Variants in CSRNP3 observed in about 807,000 individuals in gnomAD.
The protein encoded by CSRNP3 is cysteine/serine-rich nuclear protein 3.
Under a neutral mutation model 48.0 loss-of-function variants are expected in CSRNP3, and 12 were observed. The observed-to-expected ratio is 0.25, with a 90% confidence interval of 0.16 to 0.41. CSRNP3 has a LOEUF of 0.41. CSRNP3 is among the 10% of genes least tolerant of loss of function. The pLI is 1.00. For synonymous variants in CSRNP3, 263 were observed against 269.7 expected, an observed-to-expected ratio of 0.98 and a Z score of 0.24; for missense variants, 580 against 724.4, an observed-to-expected ratio of 0.80 and a Z score of 2.29.
rs187161453 is a variant in CSRNP3, at chr2:165,658,227, A to G, written c.408+207A>G. Among the ~76,000 whole-genome samples the G allele has an allele frequency of 2.0e-5, 3 of 152,144 alleles. No homozygotes were observed. In the East Asian group the frequency reaches 5.8e-4, roughly 29 times the overall value. ...CTGACATCATTTATTCATTCATTCC[A>G]CCAATATTTACTATTGAATATTGTG... On this transcript the variant is annotated intron_variant, in intron 5 of 6. Transcript: ENST00000651982.
chr2:165,631,389 G>A (rs1253598228), intron 4 of CSRNP3, among the ~76,000 whole-genome samples: 1 of 152,166 alleles, frequency 6.6e-6, no homozygotes, highest in African/African-American at 2.4e-5. Context: ...TCACTCTAGG[G>A]AGCTGTTTAC....
intron 3 of CSRNP3, among the ~76,000 whole-genome samples, chr2:165,571,283 AT>A (rs1002695541): frequency 6.6e-5 from 10 of 151,860 alleles, no homozygotes; most frequent in African/African-American, 1.9e-4. Context: ...TTGTCATAAG[AT>A]TTTCACTGAG....
At position 165,681,726 on chromosome 2, in the gene CSRNP3, C is replaced by CATATATATATATATATAT. The variant is rs1159941595; in HGVS notation, c.*1991_*2008dup. 1.6e-4 allele frequency: 15 copies of CATATATATATATATATAT among 93,688 alleles called. No homozygotes were observed. Among genetic ancestry groups the CATATATATATATATATAT allele is most frequent in the Admixed American group, 2.4e-4 (2 of 8,164 alleles). 5.8% of individuals were successfully genotyped at this position (93,688 alleles called of 1,614,324 possible). ...AGGATTTGTTGAAATCTCAAATATA[C>CATATATATATATATATAT]ATATATATATATATATATATATATA... On this transcript the variant is annotated 3_prime_UTR_variant, in exon 7 of 7. Transcript: ENST00000651982.
chr2:165,490,262 A>G (rs1684184978), intron 1 of CSRNP3, among the ~76,000 whole-genome samples: 1 of 150,904 alleles, frequency 6.6e-6, no homozygotes, highest in African/African-American at 2.5e-5. Context: ...GACCTCTTCA[A>G]GGAGAACTAC....
At chr2:165,669,830 C>T (rs1475256622) in intron 5 of CSRNP3, among the ~76,000 whole-genome samples, 2 of 152,078 alleles carry the variant, frequency 1.3e-5, no homozygotes, top group Non-Finnish European at 2.9e-5. Context: ...CATGCCCACC[C>T]CACACATACA....
At chr2:165,489,925 A>T (rs1375028135) in intron 1 of CSRNP3, among the ~76,000 whole-genome samples, 2 of 150,742 alleles carry the variant, frequency 1.3e-5, no homozygotes, top group African/African-American at 4.9e-5. Flanking sequence ...CCTATTCAAC[A>T]TAGTGTTGGA....
rs1687654614 is a variant in CSRNP3, at chr2:165,687,778, T to C, written c.*8025T>C. 6.6e-6 allele frequency: 1 copy of C among 152,146 alleles called. No individual in the cohort carries two copies. The highest frequency in any genetic ancestry group is 1.5e-5 in the Non-Finnish European group (1 of 68,008). 9.4% of individuals were successfully genotyped at this position (152,146 alleles called of 1,614,324 possible). A position where few individuals can be genotyped will look rare whatever the true frequency, so the allele number is the denominator to read the frequency against. ...GAGGTGTCGTGGAGAAATGGTGATT[T>C]TTCTGGTTACATCACTTGATTCAAG... On this transcript the variant is annotated 3_prime_UTR_variant, in exon 7 of 7. Transcript: ENST00000651982.
rs186305781 is a variant in CSRNP3, at chr2:165,667,638, T to C, written c.409-8674T>C. Among the ~76,000 whole-genome samples the C allele has an allele frequency of 1.3e-5, 2 of 152,330 alleles. 1 individual carries two copies. Among genetic ancestry groups the C allele is most frequent in the Admixed American group, 1.3e-4 (2 of 15,300 alleles). ...CTGTCTCCTCACCTCCCTTTTGCTT[T>C]AAATCCTTCCTGACATGCCTGTTCT... On this transcript the variant is annotated intron_variant, in intron 5 of 6. Transcript: ENST00000651982.
chr2:165,649,244 T>C (rs1686866110), intron 4 of CSRNP3, among the ~76,000 whole-genome samples: 2 of 152,220 alleles, frequency 1.3e-5, no homozygotes, highest in Non-Finnish European at 2.9e-5. Flanking sequence ...AGAGGGTTTT[T>C]TTCTTTGTAA....
chr2:165,481,163 CA>C (rs1316601580), intron 1 of CSRNP3, among the ~76,000 whole-genome samples: 1 of 151,966 alleles, frequency 6.6e-6, no homozygotes, highest in Non-Finnish European at 1.5e-5. Flanking sequence ...AATAAAAGCA[CA>C]TGGTATTGGA....
intron 3 of CSRNP3, among the ~76,000 whole-genome samples, chr2:165,561,655 T>C (rs1209660633): frequency 6.6e-6 from 1 of 152,178 alleles, no homozygotes; most frequent in African/African-American, 2.4e-5. Context: ...ACAGTCCACA[T>C]TGTAATTTCT....
At chr2:165,554,479 G>A (rs1250335059) in intron 3 of CSRNP3, among the ~76,000 whole-genome samples, 1 of 152,128 alleles carries the variant, frequency 6.6e-6, no homozygotes, top group African/African-American at 2.4e-5. Context: ...CTGAACTCTT[G>A]TTCTTACCCA....
chr2:165,636,251 CT>C (rs1686626201), intron 4 of CSRNP3, among the ~76,000 whole-genome samples: 1 of 151,990 alleles, frequency 6.6e-6, no homozygotes, highest in African/African-American at 2.4e-5. Flanking sequence ...TAGAAATTGC[CT>C]GGATTCTAGG....
intron 3 of CSRNP3, among the ~76,000 whole-genome samples, chr2:165,590,482 A>G (rs1204116004): frequency 1.3e-5 from 2 of 152,196 alleles, no homozygotes; most frequent in African/African-American, 4.8e-5. Context: ...AAGTAAGTTG[A>G]AATTAGTAAT....
At position 165,631,636 on chromosome 2, in the gene CSRNP3, A is replaced by C. The variant is rs186009587; in HGVS notation, c.149-26125A>C. On this transcript the variant is annotated intron_variant, in intron 4 of 6. Transcript: ENST00000651982. ...AGAAGAGGCAGAAGTGGAAACAGAT[A>C]AGTTACACAGATCAGTAAGTAAACA... 7.4e-4 allele frequency among the ~76,000 whole-genome samples: 112 copies of C among 152,354 alleles called. 2 individuals are homozygous for C. In the East Asian group the frequency reaches 0.02, roughly 27 times the overall value.
At chr2:165,511,856 C>T (rs1280649335) in intron 2 of CSRNP3, among the ~76,000 whole-genome samples, 1 of 152,106 alleles carries the variant, frequency 6.6e-6, no homozygotes, top group Non-Finnish European at 1.5e-5. Flanking sequence ...TCTCTAGTTG[C>T]AGTCATCTGT....
chr2:165,532,001 G>A (rs1332526658), intron 3 of CSRNP3, among the ~76,000 whole-genome samples: 3 of 151,926 alleles, frequency 2.0e-5, no homozygotes, highest in South Asian at 2.1e-4. Context: ...CTCCCAAGAC[G>A]AAACCAGGAA....
chr2:165,538,458 G>T (rs1254412258), intron 3 of CSRNP3, among the ~76,000 whole-genome samples: 4 of 151,794 alleles, frequency 2.6e-5, no homozygotes, highest in African/African-American at 9.7e-5. Context: ...TCATGAACTA[G>T]CTAGGTGCGT....
intron 4 of CSRNP3, among the ~76,000 whole-genome samples, chr2:165,633,090 G>A (rs756324919): frequency 6.6e-6 from 1 of 152,164 alleles, no homozygotes. Context: ...TACACTGATT[G>A]TGTAGTTAAG....
Sources: allele counts gnomAD v4.1 joint callset (sites outside exome capture counted in the v4.1 genomes callset), GRCh38; gene constraint gnomAD v4.1.1; transcripts MANE v1.5; gene names NCBI Gene and HGNC (gene_info 2026-07-23, HGNC 2026-07-21).